Variants in DLG2 observed in about 807,000 individuals in gnomAD.
DLG2 encodes disks large homolog 2.
A neutral mutation model predicts 132.5 loss-of-function variants in DLG2; 45 were observed. That is an observed-to-expected ratio of 0.34 (90% confidence interval 0.27 to 0.44). The LOEUF (loss-of-function observed/expected upper bound fraction) is 0.44. DLG2 is among the 20% of genes least tolerant of loss of function. DLG2 has a pLI of 1.00. For missense variants in DLG2, 1,045 were observed against 1,196.9 expected (o/e 0.87, Z 1.87); for synonymous variants, 424 against 419.6 (o/e 1.01, Z -0.13).
At chr11:84,734,312 G>C (rs534444336) in intron 6 of DLG2, among the ~76,000 whole-genome samples, 8 of 151,700 alleles carry the variant, frequency 5.3e-5, no homozygotes, top group Admixed American at 3.3e-4. Flanking sequence ...CTTTTATTTT[G>C]TTGAGCAGTG....
rs545491780 is a variant in DLG2 at position 84,931,234 on chromosome 11, T to C, written c.357+180427A>G. Among the ~76,000 whole-genome samples, 57 of 152,266 alleles carry C rather than the reference T, an allele frequency of 3.7e-4. 1 individual carries two copies. Among genetic ancestry groups the C allele is most frequent in the African/African-American group, 1.3e-3 (56 of 41,554 alleles). ...GTAAACTTGTGTCATGGGGGTTTCT[T>C]GTACAGTTTATTTCATCACCCAGGT... On this transcript the variant is annotated intron_variant, in intron 6 of 27. Transcript: ENST00000376104.
intron 3 of DLG2, among the ~76,000 whole-genome samples, chr11:85,529,592 G>A (rs1783234359): frequency 6.6e-6 from 1 of 151,894 alleles, no homozygotes; most frequent in Non-Finnish European, 1.5e-5. Context: ...CTTGACTTTG[G>A]TGAACAAGTC....
At position 83,833,786 on chromosome 11, in the gene DLG2, G is replaced by A. The variant is rs779848490; in HGVS notation, c.1566-16C>T. 2.5e-6 allele frequency: 4 copies of A among 1,612,698 alleles called. No homozygotes were observed. The Admixed American group carries it at 6.7e-5, about 27-fold the overall frequency. On this transcript the variant is annotated splice_polypyrimidine_tract_variant and intron_variant, in intron 16 of 27. Transcript: ENST00000376104. ...GCGAGGCTCTCTGCAGAAAGAAATAGAGAACACAGCTCAGAGGGTGATCCA... is the reference window on the plus strand; with the variant it reads ...GCGAGGCTCTCTGCAGAAAGAAATAAAGAACACAGCTCAGAGGGTGATCCA...
intron 6 of DLG2, chr11:84,640,506 A>T: frequency 2.4e-6 from 1 of 415,844 alleles, no homozygotes; most frequent in East Asian, 7.5e-5. Flanking sequence ...AGATATCAGA[A>T]AACTTTTGGA....
intron 6 of DLG2, among the ~76,000 whole-genome samples, chr11:85,064,081 C>T (rs187080787): frequency 6.6e-6 from 1 of 151,758 alleles, no homozygotes; most frequent in African/African-American, 2.4e-5. Flanking sequence ...GAGGACAAAA[C>T]TGAATGTCTG....
At chr11:84,815,261 G>A (rs2076974411) in intron 6 of DLG2, among the ~76,000 whole-genome samples, 1 of 152,090 alleles carries the variant, frequency 6.6e-6, no homozygotes, top group Admixed American at 6.6e-5. Context: ...GAAAACACTA[G>A]AGGAATAAAG....
chr11:84,116,316 AT>A (rs1457558825), intron 9 of DLG2, among the ~76,000 whole-genome samples: 2 of 152,362 alleles, frequency 1.3e-5, no homozygotes, highest in South Asian at 2.1e-4. Flanking sequence ...TAAAAAGGAT[AT>A]CCCTGTCCTG....
At chr11:83,491,955 A>C (rs774618595) in intron 21 of DLG2, among the ~76,000 whole-genome samples, 17 of 152,074 alleles carry the variant, frequency 1.1e-4, no homozygotes, top group Non-Finnish European at 1.8e-4. Context: ...CCCATGAACC[A>C]ATCCAGCCCA....
intron 3 of DLG2, among the ~76,000 whole-genome samples, chr11:85,533,995 T>C (rs1483958254): frequency 6.6e-6 from 1 of 152,202 alleles, no homozygotes; most frequent in East Asian, 1.9e-4. Flanking sequence ...GTTTTTTGTT[T>C]GTTTGTTTTT....
In DLG2 at chr11:84,844,634, T is replaced by C. The variant is rs1321790559; in HGVS notation, c.357+267027A>G. The stretch of plus-strand genomic sequence containing the variant: ...TCCTTTCAGACTCTAGGTAACTTCT[T>C]CCCATACCAGTTGTCTTATATCTAG... On this transcript the variant is annotated intron_variant, in intron 6 of 27. Transcript: ENST00000376104. 2.0e-5 allele frequency among the ~76,000 whole-genome samples: 3 copies of C among 152,192 alleles called. No homozygotes were observed. In the East Asian group the frequency reaches 5.8e-4, roughly 29 times the overall value.
At chr11:83,790,192 G>T in intron 17 of DLG2, 1 of 869,206 alleles carries the variant, frequency 1.2e-6, no homozygotes, top group South Asian at 1.6e-5. Flanking sequence ...CAGAGTCCCT[G>T]ACTGAATGCT....
intron 8 of DLG2, among the ~76,000 whole-genome samples, chr11:84,188,820 A>T (rs886377360): frequency 2.3e-4 from 35 of 150,774 alleles, no homozygotes; most frequent in African/African-American, 6.6e-4. Flanking sequence ...TTATTTATTT[A>T]AAAAAAAAGG....
At chr11:83,462,597 G>T (rs1330163300) in intron 26 of DLG2, among the ~76,000 whole-genome samples, 2 of 152,104 alleles carry the variant, frequency 1.3e-5, no homozygotes, top group Non-Finnish European at 1.5e-5. Context: ...ATCAGAGACT[G>T]GGAAGGGAAG....
intron 7 of DLG2, among the ~76,000 whole-genome samples, chr11:84,349,810 G>A (rs2098554583): frequency 1.3e-5 from 2 of 150,866 alleles, no homozygotes; most frequent in South Asian, 2.1e-4. Context: ...GACCAGCCTG[G>A]GCAACACAGT....
chr11:85,261,013 G>A (rs2076911079), intron 4 of DLG2, among the ~76,000 whole-genome samples: 1 of 152,142 alleles, frequency 6.6e-6, no homozygotes, highest in African/African-American at 2.4e-5. Context: ...CCCTTTTGGA[G>A]GATGTCATGG....
intron 6 of DLG2, among the ~76,000 whole-genome samples, chr11:84,912,822 T>C (rs2092198934): frequency 6.6e-6 from 1 of 152,184 alleles, no homozygotes; most frequent in Admixed American, 6.5e-5. Flanking sequence ...GAGGCCATCA[T>C]GAGGATGAAA....
intron 9 of DLG2, among the ~76,000 whole-genome samples, chr11:84,107,615 A>G (rs1489702256): frequency 6.6e-6 from 1 of 152,154 alleles, no homozygotes; most frequent in Non-Finnish European, 1.5e-5. Flanking sequence ...TTGACACAGC[A>G]TAACTCAGCC....
chr11:85,109,858 A>C (rs907175919), intron 6 of DLG2, among the ~76,000 whole-genome samples: 4 of 152,138 alleles, frequency 2.6e-5, no homozygotes, highest in African/African-American at 9.7e-5. Flanking sequence ...GTGTTAAAGA[A>C]TGATGAAGAG....
intron 6 of DLG2, among the ~76,000 whole-genome samples, chr11:84,792,339 T>C (rs2073972913): frequency 6.6e-6 from 1 of 152,104 alleles, no homozygotes; most frequent in Non-Finnish European, 1.5e-5. Flanking sequence ...TTTGCTAGTA[T>C]TTTGCTGAGT....
Sources: gnomAD v4.1 joint callset for allele counts (sites outside exome capture counted in the v4.1 genomes callset) on GRCh38, gnomAD v4.1.1 for gene constraint, MANE v1.5 for transcripts, NCBI Gene and HGNC (gene_info 2026-07-23, HGNC 2026-07-21) for gene names.